Variants in EMCN observed in about 807,000 individuals in gnomAD.
EMCN encodes the protein endomucin, also known as MUC-14.
Under a neutral mutation model 38.4 loss-of-function variants are expected in EMCN, and 37 were observed. That is an observed-to-expected ratio of 0.96 (90% CI 0.74 to 1.27). The LOEUF (loss-of-function observed/expected upper bound fraction) is 1.27. Among genes scored for constraint, EMCN ranks in the 50% most tolerant of loss-of-function variants. The pLI is 0.00. For missense variants in EMCN, 318 were observed against 302.8 expected (o/e 1.05, Z -0.37); for synonymous variants, 95 against 100.8 (o/e 0.94, Z 0.35).
At chr4:100,494,006 C>T (rs992275179) in intron 1 of EMCN, among the ~76,000 whole-genome samples, 1 of 152,154 alleles carries the variant, frequency 6.6e-6, no homozygotes, top group African/African-American at 2.4e-5. Flanking sequence ...TATACCAGTT[C>T]TAAGTGCTGG....
At chr4:100,423,106 C>G (rs758937068) in intron 6 of EMCN, 26 bp from the exon 7 acceptor site, 5 of 1,611,346 alleles carry the variant, frequency 3.1e-6, no homozygotes, top group Non-Finnish European at 4.2e-6. Flanking sequence ...AAACAAGTCA[C>G]TTTTGGTTAA....
intron 1 of EMCN, among the ~76,000 whole-genome samples, chr4:100,512,824 A>G (rs910825460): frequency 6.6e-6 from 1 of 150,966 alleles, no homozygotes; most frequent in African/African-American, 2.4e-5. Flanking sequence ...AAAAAAAAAA[A>G]TTCCTACTCT....
At chr4:100,498,211 C>A (rs1007948417) in intron 1 of EMCN, among the ~76,000 whole-genome samples, 1 of 152,056 alleles carries the variant, frequency 6.6e-6, no homozygotes, top group Admixed American at 6.5e-5. Flanking sequence ...AAATTTAATA[C>A]CAACCAAATT....
chr4:100,473,296 G>C lies in EMCN; in HGVS notation c.259+1742C>G, dbSNP rs1578216949. 2.0e-5 allele frequency among the ~76,000 whole-genome samples: 3 copies of C among 147,942 alleles called. No individual in the cohort carries two copies. The South Asian group carries it at 6.4e-4, about 32-fold the overall frequency. On this transcript the variant is annotated intron_variant, in intron 3 of 11. Transcript: ENST00000296420. The stretch of plus-strand genomic sequence containing the variant: ...CACTTCTCGGCCTCCCAAAGTGTTG[G>C]GATTACAGGTGTGAGCCACTGCACC...
chr4:100,474,883 G>A (rs543516395), intron 3 of EMCN, among the ~76,000 whole-genome samples, 155 bp downstream of exon 3: 13 of 152,230 alleles, frequency 8.5e-5, no homozygotes, highest in African/African-American at 2.6e-4. Context: ...TTTCCTCTTG[G>A]GGAGATTAAA....
intron 4 of EMCN, among the ~76,000 whole-genome samples, chr4:100,462,319 GCTAAATCAATA>G (rs1728201619): frequency 6.6e-6 from 1 of 152,052 alleles, no homozygotes; most frequent in Non-Finnish European, 1.5e-5. Flanking sequence ...GAGTTTAGAA[GCTAAATCAATA>G]CAACAGTCCC....
At chr4:100,427,165 G>A (rs563181602) in intron 5 of EMCN, among the ~76,000 whole-genome samples, 12 of 152,014 alleles carry the variant, frequency 7.9e-5, no homozygotes, top group African/African-American at 2.2e-4. Context: ...TTCTTATCAC[G>A]TTTTCTTTAT....
chr4:100,430,770 AAGG>A (rs2110226749), intron 5 of EMCN, among the ~76,000 whole-genome samples: 1 of 152,290 alleles, frequency 6.6e-6, no homozygotes, highest in East Asian at 1.9e-4. Flanking sequence ...ACAATTTCTT[AAGG>A]AGAAGTTTGT....
At chr4:100,400,202 A>G (rs1726217872) in intron 11 of EMCN, among the ~76,000 whole-genome samples, 1 of 152,170 alleles carries the variant, frequency 6.6e-6, no homozygotes, top group Non-Finnish European at 1.5e-5. Flanking sequence ...AAAATACAAT[A>G]ACATGAATGT....
chr4:100,431,427 C>A (rs1257648833), intron 5 of EMCN, among the ~76,000 whole-genome samples: 1 of 152,122 alleles, frequency 6.6e-6, no homozygotes, highest in Non-Finnish European at 1.5e-5. Context: ...GCAGATTGCC[C>A]TCCCTGACTG....
At chr4:100,472,399 T>C (rs1054098573) in intron 3 of EMCN, among the ~76,000 whole-genome samples, 3 of 151,964 alleles carry the variant, frequency 2.0e-5, no homozygotes, top group African/African-American at 7.2e-5. Flanking sequence ...TAGGAATAAA[T>C]TTTACAAAAA....
At chr4:100,413,897 A>G (rs935673271) in intron 10 of EMCN, among the ~76,000 whole-genome samples, 6 of 152,298 alleles carry the variant, frequency 3.9e-5, no homozygotes, top group African/African-American at 1.2e-4. Context: ...CGGTCTATTT[A>G]ACTAGTCTGC....
At chr4:100,478,292 C>G (rs1338094727) in intron 2 of EMCN, among the ~76,000 whole-genome samples, 1 of 152,118 alleles carries the variant, frequency 6.6e-6, no homozygotes, top group African/African-American at 2.4e-5. Flanking sequence ...ATTAGAGACC[C>G]TAGAATAGAC....
Position 100,406,738 on chromosome 4 carries a change from G to A in EMCN, c.*39+3544C>T, listed in dbSNP as rs115149277. Among the ~76,000 whole-genome samples the A allele has an allele frequency of 1.6e-3, 243 of 152,198 alleles. 2 individuals are homozygous for A. The highest frequency in any genetic ancestry group is 2.2e-3 in the Non-Finnish European group (152 of 67,954). On this transcript the variant is annotated intron_variant, in intron 11 of 11. Transcript: ENST00000296420. ...TGAGTGGACTTTTCTGTAGATGCATGTTAGTTCTATTTTGTCAATTGTCAA... is the reference window on the plus strand; with the variant it reads ...TGAGTGGACTTTTCTGTAGATGCATATTAGTTCTATTTTGTCAATTGTCAA...
intron 1 of EMCN, among the ~76,000 whole-genome samples, chr4:100,502,243 G>T (rs1729370512): frequency 6.6e-6 from 1 of 152,108 alleles, no homozygotes; most frequent in Non-Finnish European, 1.5e-5. Context: ...TCTTTACCTG[G>T]CTGGGGCCAT....
In EMCN at chr4:100,413,919, C is replaced by T. The variant is rs78441828; in HGVS notation, c.751+1979G>A. On this transcript the variant is annotated intron_variant, in intron 10 of 11. Coordinates refer to ENST00000296420, the MANE Select transcript of EMCN (RefSeq NM_016242.4). ...TTTAACTAGTCTGCCATCGTCTATT[C>T]CACTTACTGCTATGGTCACCACTAG... Among the ~76,000 whole-genome samples, 951 of 152,294 alleles carry T rather than the reference C, an allele frequency of 6.2e-3. 1 individual carries two copies. Among genetic ancestry groups the T allele is most frequent in the Non-Finnish European group, 0.011 (731 of 68,020 alleles).
chr4:100,400,001 G>A (rs1299446228), intron 11 of EMCN, among the ~76,000 whole-genome samples: 1 of 152,100 alleles, frequency 6.6e-6, no homozygotes, highest in Non-Finnish European at 1.5e-5. Flanking sequence ...AATGAAGAAA[G>A]TTAGTACTTC....
chr4:100,473,024 T>A (rs868429932), intron 3 of EMCN, among the ~76,000 whole-genome samples: 1,795 of 146,134 alleles, frequency 0.012, 16 homozygotes, highest in Non-Finnish European at 0.018. Context: ...TATATATATT[T>A]TTTTTTTTTG....
chr4:100,468,835 T>C (rs1728394923), intron 3 of EMCN, among the ~76,000 whole-genome samples: 1 of 151,882 alleles, frequency 6.6e-6, no homozygotes, highest in Non-Finnish European at 1.5e-5. Context: ...ATATAGATTT[T>C]TAAAAATCCC....
Sources: gnomAD v4.1 joint callset for allele counts (sites outside exome capture counted in the v4.1 genomes callset) on GRCh38, gnomAD v4.1.1 for gene constraint, MANE v1.5 for transcripts, NCBI Gene and HGNC (gene_info 2026-07-23, HGNC 2026-07-21) for gene names.